LRRC4: variants seen among roughly 807,000 people sequenced by gnomAD.
The protein encoded by LRRC4 is leucine-rich repeat-containing protein 4.
Under a neutral mutation model 37.9 loss-of-function variants are expected in LRRC4, and 11 were observed. The observed-to-expected ratio is 0.29, with a 90% confidence interval of 0.18 to 0.48. LRRC4 has a LOEUF of 0.48. Among genes scored for constraint, LRRC4 ranks in the 20% least tolerant of loss-of-function variants. LRRC4 has a pLI of 0.99. For missense variants in LRRC4, 717 were observed against 842.1 expected, an observed-to-expected ratio of 0.85 and a Z score of 1.84; for synonymous variants, 404 against 346.7, an observed-to-expected ratio of 1.17 and a Z score of -1.84.
chr7:128,028,321 C>T lies in LRRC4; in HGVS notation c.*358G>A, dbSNP rs1468046535. On this transcript the variant is annotated 3_prime_UTR_variant, in exon 2 of 2. Coordinates refer to ENST00000249363, the MANE Select transcript of LRRC4 (RefSeq NM_022143.5). ...CAGATTCAGTCTATCCCTCTTGCCC[C>T]CTCAGCAGCCCACACCCTACCTCTT... The T allele has an allele frequency of 5.3e-6, 1 of 189,586 alleles. No homozygotes were observed. Among genetic ancestry groups the T allele is most frequent in the African/African-American group, 2.4e-5 (1 of 42,162 alleles). 11.7% of individuals were successfully genotyped at this position (189,586 alleles called of 1,614,324 possible).
chr7:128,031,602 C>T (rs1792605045), upstream of LRRC4: 1 of 149,338 alleles, frequency 6.7e-6, no homozygotes, highest in Non-Finnish European at 1.5e-5. Context: ...GGCGGCGCTC[C>T]GTCCGGCCCC....
At position 128,028,615 on chromosome 7, in the gene LRRC4, G is replaced by A; in HGVS notation, c.*64C>T. The A allele has an allele frequency of 7.5e-6, 11 of 1,473,608 alleles. No homozygotes were observed. Among genetic ancestry groups the A allele is most frequent in the Non-Finnish European group, 1.0e-5 (11 of 1,080,758 alleles). The allele number at this position is 1,473,608 out of a possible 1,614,324, so 91.3% of individuals were successfully genotyped here. ...ACAAGAAAAAGTCTCTCCCCACTCT[G>A]TACAAAAGTTGCTGTCTTTGTGTGC... On this transcript the variant is annotated 3_prime_UTR_variant, in exon 2 of 2. Transcript: ENST00000249363.
In LRRC4 at chr7:128,029,605, C is replaced by T; in HGVS notation, c.1036G>A (p.Ala346Thr). ...RGRYLVEVDQASFQCSAPFIM... is the reference protein window; with the variant it reads ...RGRYLVEVDQTSFQCSAPFIM... ...AAGGGGGCAGAGCACTGGAAGGAGG[C>T]CTGGTCCACCTCCACGAGGTAGCGG... The change falls in exon 2 of 2, where the codon GCC becomes ACC. Residue 346 changes from alanine to threonine, a missense_variant. Around this residue, in one of 5 missense-constraint regions of LRRC4, gnomAD observed 293 missense variants for 268.3 expected, o/e 1.09. Transcript: ENST00000249363. This position sits in a 1 kb window ranked among gnomAD's most constrained non-coding sequence, Gnocchi z 4.2. The T allele has an allele frequency of 6.2e-7, 1 of 1,614,000 alleles. No homozygotes were observed. Among genetic ancestry groups the T allele is most frequent in the Non-Finnish European group, 8.5e-7 (1 of 1,180,026 alleles).
chr7:128,030,889 C>G (rs968457547), intron 1 of LRRC4, 24 bp downstream of exon 1: 3 of 417,788 alleles, frequency 7.2e-6, no homozygotes, highest in Non-Finnish European at 1.3e-5. Context: ...TGCAACCGTC[C>G]CCACCCAGTT....
At position 128,028,616 on chromosome 7, in the gene LRRC4, T is replaced by C; in HGVS notation, c.*63A>G. The C allele has an allele frequency of 6.7e-7, 1 of 1,485,268 alleles. No homozygotes were observed. Among genetic ancestry groups the C allele is most frequent in the Middle Eastern group, 2.4e-4 (1 of 4,118 alleles). The allele number at this position is 1,485,268 out of a possible 1,614,324, so 92.0% of individuals were successfully genotyped here. On this transcript the variant is annotated 3_prime_UTR_variant, in exon 2 of 2. Coordinates refer to ENST00000249363, the MANE Select transcript of LRRC4 (RefSeq NM_022143.5). ...CAAGAAAAAGTCTCTCCCCACTCTG[T>C]ACAAAAGTTGCTGTCTTTGTGTGCA...
Position 128,029,698 on chromosome 7 carries a change from G to T in LRRC4, c.943C>A (p.Leu315Ile), listed in dbSNP as rs779786213. Residue 315 changes from leucine (L) to isoleucine (I), a missense_variant, in exon 2 of 2, where the codon CTT (leucine) becomes ATT (isoleucine). Leu to Ile is a conservative substitution (Grantham distance 5). Transcript: ENST00000249363. The surrounding 1 kb of genome is among the most constrained non-coding windows in gnomAD (Gnocchi z 4.2). ...GAATTGGTGGGTATATACTCTCGAA[G>T]CCACCAGGCTAGCCACAGAATGTCA... is the stretch of plus-strand genomic sequence containing the variant. Reference protein sequence around the residue: ...DCDILWLAWWLREYIPTNSTC... With the variant: ...DCDILWLAWWIREYIPTNSTC... 52 of 1,613,838 alleles carry T rather than the reference G, an allele frequency of 3.2e-5. No homozygotes were observed. Among genetic ancestry groups the T allele is most frequent in the Non-Finnish European group, 4.2e-5 (50 of 1,180,008 alleles).
rs1226376438 is a variant in LRRC4, at chr7:128,027,085, A to G, written c.*1594T>C. 1 of 152,586 alleles carries G rather than the reference A, an allele frequency of 6.6e-6. No individual in the cohort carries two copies. Among genetic ancestry groups the G allele is most frequent in the African/African-American group, 2.4e-5 (1 of 41,418 alleles). 9.5% of individuals were successfully genotyped at this position (152,586 alleles called of 1,614,324 possible). A position where few individuals can be genotyped will look rare whatever the true frequency, so the allele number is the denominator to read the frequency against. On this transcript the variant is annotated 3_prime_UTR_variant, in exon 2 of 2. Transcript: ENST00000249363. The stretch of plus-strand genomic sequence containing the variant: ...GGGACATTGAATTAAAAATTCAACA[A>G]TATTTATTAAAATACAAAAATACAC...
Position 128,030,213 on chromosome 7 carries a change from A to C in LRRC4, c.428T>G (p.Phe143Cys), listed in dbSNP as rs1472195919. 6.2e-7 allele frequency: 1 copy of C among 1,614,162 alleles called. No individual in the cohort carries two copies. The highest frequency in any genetic ancestry group is 8.5e-7 in the Non-Finnish European group (1 of 1,180,016). Residue 143 changes from phenylalanine to cysteine, a missense_variant, in exon 2 of 2, where the codon TTT becomes TGT. Coordinates refer to ENST00000249363, the MANE Select transcript of LRRC4 (RefSeq NM_022143.5). ...NWLTVIPSGA[F>C]EYLSKLRELW... ...CTCCCGCAGCTTGGACAGGTATTCA[A>C]AGGCCCCGCTAGGGATGACTGTCAG...
rs775963012 is a variant in LRRC4 at position 128,029,243 on chromosome 7, A to C, written c.1398T>G (p.Pro466=). The change falls in exon 2 of 2, where the codon CCT becomes CCG. Residue 466 remains proline (P), a synonymous_variant. Transcript: ENST00000249363. The surrounding 1 kb of genome is among the most constrained non-coding windows in gnomAD (Gnocchi z 4.2). ...GCTTGTACTTTCGCGTTGTGTCCTC[A>C]GGCGAGATCTCCGTGGTCTCCACTG... ...TVTVETTEIS[P]EDTTRKYKPV... is the part of the protein sequence containing the mutation. The C allele has an allele frequency of 1.9e-6, 3 of 1,614,106 alleles. No individual in the cohort carries two copies. The highest frequency in any genetic ancestry group is 1.1e-5 in the South Asian group (1 of 91,074).
Position 128,031,016 on chromosome 7 carries a change from A to AGGGGGAAGTGGT in LRRC4, c.-216_-205dup, listed in dbSNP as rs1389293781. 3 of 71,936 alleles carry AGGGGGAAGTGGT rather than the reference A, an allele frequency of 4.2e-5. No homozygotes were observed. The East Asian group carries it at 1.5e-3, about 37-fold the overall frequency. The allele number at this position is 71,936 out of a possible 1,614,324, so 4.5% of individuals were successfully genotyped here. A position where few individuals can be genotyped will look rare whatever the true frequency, so the allele number is the denominator to read the frequency against. On this transcript the variant is annotated 5_prime_UTR_variant, in exon 1 of 2. Coordinates refer to ENST00000249363, the MANE Select transcript of LRRC4 (RefSeq NM_022143.5). ...CGACTTCTTAGTTTTAATTAACAAA[A>AGGGGGAAGTGGT]GGGGGAAGTGGTGGGGGCGGGGAGG...
In LRRC4 at chr7:128,027,367, T is replaced by TGTGG. The variant is rs1803506075; in HGVS notation, c.*1308_*1311dup. 1 of 145,452 alleles carries TGTGG rather than the reference T, an allele frequency of 6.9e-6. No homozygotes were observed. Among genetic ancestry groups the TGTGG allele is most frequent in the South Asian group, 2.5e-4 (1 of 4,026 alleles). 9.0% of individuals were successfully genotyped at this position (145,452 alleles called of 1,614,324 possible). A position where few individuals can be genotyped will look rare whatever the true frequency, so the allele number is the denominator to read the frequency against. On this transcript the variant is annotated 3_prime_UTR_variant, in exon 2 of 2. Transcript: ENST00000249363. The stretch of plus-strand genomic sequence containing the variant: ...GTGTGCTCCATTCAACAGTACCCCA[T>TGTGG]GTGGAACTCCATGTGTGCATGCGTG...
chr7:128,027,975 A>G lies in LRRC4; in HGVS notation c.*704T>C, dbSNP rs893144182. 2 of 152,452 alleles carry G rather than the reference A, an allele frequency of 1.3e-5. No individual in the cohort carries two copies. Among genetic ancestry groups the G allele is most frequent in the African/African-American group, 4.8e-5 (2 of 41,300 alleles). 9.4% of individuals were successfully genotyped at this position (152,452 alleles called of 1,614,324 possible). On this transcript the variant is annotated 3_prime_UTR_variant, in exon 2 of 2. Transcript: ENST00000249363. ...GTCCTTCTCTGCTCCTTTCTAAGCA[A>G]TTCTGTCAGGCAAGGCACATGTGTG...
Position 128,030,399 on chromosome 7 carries a change from T to C in LRRC4, c.242A>G (p.Asn81Ser), listed in dbSNP as rs1792546759. The C allele has an allele frequency of 1.9e-6, 3 of 1,613,776 alleles. No individual in the cohort carries two copies. The highest frequency in any genetic ancestry group is 2.5e-6 in the Non-Finnish European group (3 of 1,179,988). The change falls in exon 2 of 2, where the codon AAC becomes AGC. Residue 81 changes from asparagine to serine, a missense_variant. Asn to Ser is a conservative substitution (Grantham distance 46). Transcript: ENST00000249363. ...CATCTGGATGTTGTTCTCCATGAGG[T>C]TGAGGTACCGGGTGTTCGAGGGAAT... ...QGIPSNTRYL[N>S]LMENNIQMIQ...
rs1209142888 is a variant in LRRC4, at chr7:128,029,578, T to C, written c.1063A>G (p.Ile355Val). Reference sequence around the variant, plus strand: ...TTGAGGTCTCGAGGTGCGTCCATGATGAAGGGGGCAGAGCACTGGAAGGAG... The same window carrying C: ...TTGAGGTCTCGAGGTGCGTCCATGACGAAGGGGGCAGAGCACTGGAAGGAG... ...QASFQCSAPF[I>V]MDAPRDLNIS... The change falls in exon 2 of 2, where the codon ATC (isoleucine) becomes GTC (valine). Residue 355 changes from isoleucine to valine, a missense_variant. Ile to Val is a conservative substitution (Grantham distance 29). This residue lies in a region of LRRC4 where 293 missense variants were observed against 268.3 expected (regional missense o/e 1.09). Coordinates refer to ENST00000249363, the MANE Select transcript of LRRC4 (RefSeq NM_022143.5). This position sits in a 1 kb window ranked among gnomAD's most constrained non-coding sequence, Gnocchi z 4.2. The C allele has an allele frequency of 2.5e-6, 4 of 1,613,802 alleles. No individual in the cohort carries two copies. Among genetic ancestry groups the C allele is most frequent in the African/African-American group, 2.7e-5 (2 of 74,872 alleles).
At position 128,028,971 on chromosome 7, in the gene LRRC4, C is replaced by T. The variant is rs368134414; in HGVS notation, c.1670G>A (p.Arg557Gln). The T allele has an allele frequency of 2.5e-5, 40 of 1,608,974 alleles. No individual in the cohort carries two copies. In the South Asian group the frequency reaches 3.9e-4, roughly 16 times the overall value. The change falls in exon 2 of 2, where the codon CGG (arginine) becomes CAG (glutamine). Residue 557 changes from arginine (R) to glutamine (Q), a missense_variant. Transcript: ENST00000249363. ...AGTCCGGGCGGCTGTGACTGTACTC[C>T]GCTGCTGGTGCCGCTTACGAAGTTT... ...FYKLRKRHQQ[R>Q]STVTAARTVE... is the part of the protein sequence containing the mutation.
Position 128,029,238 on chromosome 7 carries a change from T to C in LRRC4, c.1403A>G (p.Asp468Gly), listed in dbSNP as rs959348549. 1 of 1,614,026 alleles carries C rather than the reference T, an allele frequency of 6.2e-7. No individual in the cohort carries two copies. Among genetic ancestry groups the C allele is most frequent in the Admixed American group, 1.7e-5 (1 of 60,010 alleles). The change falls in exon 2 of 2, where the codon GAC becomes GGC. Residue 468 changes from aspartate (D) to glycine (G), a missense_variant. By Grantham distance (94) the Asp-to-Gly change is moderately conservative. Transcript: ENST00000249363. The surrounding 1 kb of genome is among the most constrained non-coding windows in gnomAD (Gnocchi z 4.2). ...TVETTEISPE[D>G]TTRKYKPVPT... is the part of the protein sequence containing the mutation. ...AACAGGCTTGTACTTTCGCGTTGTGTCCTCAGGCGAGATCTCCGTGGTCTC... is the reference window on the plus strand; with the variant it reads ...AACAGGCTTGTACTTTCGCGTTGTGCCCTCAGGCGAGATCTCCGTGGTCTC...
upstream of LRRC4, among the ~76,000 whole-genome samples, chr7:128,031,851 C>T (rs1792623777): frequency 6.7e-6 from 1 of 150,220 alleles, no homozygotes; most frequent in African/African-American, 2.4e-5. Flanking sequence ...GAGTTCGCGG[C>T]TTCGGCTCCC....
Position 128,029,290 on chromosome 7 carries a change from A to C in LRRC4, c.1351T>G (p.Tyr451Asp). Reference sequence around the variant, plus strand: ...ACTGTTACTGTGGTGAAGAAGCTGTAGTTGGAGGTGTTAAGCTCAGCCGTG... The same window carrying C: ...ACTGTTACTGTGGTGAAGAAGCTGTCGTTGGAGGTGTTAAGCTCAGCCGTG... ...VSTAELNTSN[Y>D]SFFTTVTVET... Residue 451 changes from tyrosine to aspartate, a missense_variant, in exon 2 of 2, where the codon TAC (tyrosine) becomes GAC (aspartate). Coordinates refer to ENST00000249363, the MANE Select transcript of LRRC4 (RefSeq NM_022143.5). This position sits in a 1 kb window ranked among gnomAD's most constrained non-coding sequence, Gnocchi z 4.2. 1 of 1,614,172 alleles carries C rather than the reference A, an allele frequency of 6.2e-7. No individual in the cohort carries two copies. The highest frequency in any genetic ancestry group is 8.5e-7 in the Non-Finnish European group (1 of 1,180,032).
In LRRC4 at chr7:128,029,425, CGTT is replaced by C; in HGVS notation, c.1213_1215del (p.Asn405del). 6.2e-7 allele frequency: 1 copy of C among 1,614,148 alleles called. No individual in the cohort carries two copies. The highest frequency in any genetic ancestry group is 8.5e-7 in the Non-Finnish European group (1 of 1,180,032). On this transcript the variant is annotated inframe_deletion, in exon 2 of 2. Transcript: ENST00000249363. The surrounding 1 kb of genome is among the most constrained non-coding windows in gnomAD (Gnocchi z 4.2). Reference sequence around the variant, plus strand: ...ACGTGGGAAAAGTTCAAGGTGCCGTCGTTGAGGACAGAGATCCTTGGGTGGCGG... The same window carrying C: ...ACGTGGGAAAAGTTCAAGGTGCCGTCGAGGACAGAGATCCTTGGGTGGCGG...
Sources: allele counts gnomAD v4.1 joint callset (sites outside exome capture counted in the v4.1 genomes callset), GRCh38; gene constraint gnomAD v4.1.1; regional missense constraint gnomAD v4.1.1; non-coding constraint Gnocchi (gnomAD v3.1); transcripts MANE v1.5; gene names NCBI Gene and HGNC (gene_info 2026-07-23, HGNC 2026-07-21).